OR51B5: variants seen among roughly 807,000 people sequenced by gnomAD.
The protein encoded by OR51B5 is olfactory receptor 51B5.
For synonymous variants in OR51B5, 186 were observed against 144.8 expected (o/e 1.28, Z -2.04); for missense variants, 456 against 374.6 (o/e 1.22, Z -1.79).
intron 1 of OR51B5, chr11:5,489,054 A>G (rs417425): frequency 0.97 from 1,562,717 of 1,614,014 alleles, 756,829 homozygotes; most frequent in South Asian, 0.99. Flanking sequence ...TGGAGTCCTC[A>G]ATTCTACTTG....
intron 1 of OR51B5, chr11:5,351,457 ATTACTATTGCTTTACCTGGAGTAAATAT>A (rs779398546): frequency 1.4e-6 from 2 of 1,435,434 alleles, no homozygotes; most frequent in Non-Finnish European, 1.9e-6. Flanking sequence ...TATACAACTG[ATTACTATTGCTTTACCTGGAGTAAATAT>A]TTGCCTCTTT....
At chr11:5,468,338 C>T (rs943925367) in intron 1 of OR51B5, 56 of 193,374 alleles carry the variant, frequency 2.9e-4, no homozygotes, top group African/African-American at 1.3e-3. Flanking sequence ...AAGTTGTAGC[C>T]TGGCTAACCC....
chr11:5,454,197 G>A (rs1218045411), intron 1 of OR51B5: 82 of 1,597,178 alleles, frequency 5.1e-5, no homozygotes, highest in Non-Finnish European at 6.9e-5. Context: ...ACGCCTCAAA[G>A]CTCTCAACAC....
At chr11:5,366,458 A>C (rs1375897678) in intron 1 of OR51B5, among the ~76,000 whole-genome samples, 1 of 152,044 alleles carries the variant, frequency 6.6e-6, no homozygotes, top group Non-Finnish European at 1.5e-5. Context: ...AATACAAAAA[A>C]ATTAGCAGGG....
At chr11:5,372,926 A>G (rs1360028132) in intron 1 of OR51B5, among the ~76,000 whole-genome samples, 1 of 152,230 alleles carries the variant, frequency 6.6e-6, no homozygotes, top group Non-Finnish European at 1.5e-5. Flanking sequence ...AAATTATATT[A>G]CAAAGCTATA....
upstream of OR51B5, chr11:5,343,538 AG>A: frequency 2.6e-6 from 2 of 765,154 alleles, no homozygotes; most frequent in Non-Finnish European, 4.5e-6. Context: ...GGGTTTATAT[AG>A]AAGAAATGTC....
rs757149574 is a variant in OR51B5 at position 5,488,839 on chromosome 11, A to T, written n.84+16730T>A. ...CATGTATCTTGTAGCACTGGTTGGA[A>T]ATGCTGCCCTCATCCTGGTCATTGC... is the stretch of plus-strand genomic sequence containing the variant. On this transcript the variant is annotated intron_variant and non_coding_transcript_variant, in intron 1 of 4. Coordinates refer to the OR51B5 transcript ENST00000415970. The T allele has an allele frequency of 1.9e-6, 3 of 1,613,864 alleles. No homozygotes were observed. In the African/African-American group the frequency reaches 4.0e-5, roughly 22 times the overall value.
At chr11:5,445,155 G>A (rs905028836) in intron 1 of OR51B5, among the ~76,000 whole-genome samples, 3 of 151,920 alleles carry the variant, frequency 2.0e-5, no homozygotes, top group Non-Finnish European at 4.4e-5. Flanking sequence ...TGATTATATA[G>A]ACCAATTTAA....
chr11:5,434,628 AAGGACCATGAAAAG>A (rs553907798), intron 1 of OR51B5, among the ~76,000 whole-genome samples: 543 of 152,292 alleles, frequency 3.6e-3, no homozygotes, highest in African/African-American at 0.012. Flanking sequence ...CAAGACTTCG[AAGGACCATGAAAAG>A]AGGAACATGC....
At chr11:5,357,214 C>T (rs529764791) in intron 1 of OR51B5, among the ~76,000 whole-genome samples, 30 of 152,168 alleles carry the variant, frequency 2.0e-4, no homozygotes, top group African/African-American at 6.7e-4. Context: ...CATCAGTGTG[C>T]TGTATTCAGG....
chr11:5,410,960 T>C (rs1192368237), intron 1 of OR51B5, among the ~76,000 whole-genome samples: 1 of 151,984 alleles, frequency 6.6e-6, no homozygotes, highest in Non-Finnish European at 1.5e-5. Context: ...TACAAAACAG[T>C]CAAAAAGTTA....
chr11:5,446,283 A>G (rs1014305457), intron 1 of OR51B5, among the ~76,000 whole-genome samples: 15 of 145,698 alleles, frequency 1.0e-4, no homozygotes, highest in Non-Finnish European at 1.7e-4. Context: ...AAGAAAGTAG[A>G]ATAACTCTCA....
intron 1 of OR51B5, among the ~76,000 whole-genome samples, chr11:5,370,819 T>A (rs1260520007): frequency 6.6e-6 from 1 of 152,152 alleles, no homozygotes. Context: ...CAATAGAGAA[T>A]AACAAAATTT....
At chr11:5,465,804 A>T (rs2133797158) in intron 1 of OR51B5, among the ~76,000 whole-genome samples, 1 of 148,594 alleles carries the variant, frequency 6.7e-6, no homozygotes, top group African/African-American at 2.5e-5. Flanking sequence ...TACAAAAATC[A>T]ATTCAAGATG....
intron 1 of OR51B5, among the ~76,000 whole-genome samples, chr11:5,452,470 A>C (rs1335141252): frequency 7.5e-6 from 1 of 133,954 alleles, no homozygotes; most frequent in Non-Finnish European, 1.5e-5. Context: ...GCACCACTGC[A>C]CTCCAGCCTG....
At chr11:5,489,102 A>G in intron 1 of OR51B5, 3 of 1,613,922 alleles carry the variant, frequency 1.9e-6, no homozygotes, top group South Asian at 2.2e-5. Flanking sequence ...TCTGTAACCC[A>G]TTAAGGTACA....
At chr11:5,460,533 CTCAT>C (rs1202309784) in intron 1 of OR51B5, among the ~76,000 whole-genome samples, 3 of 152,152 alleles carry the variant, frequency 2.0e-5, no homozygotes, top group East Asian at 3.9e-4. Context: ...TCTTCAGTAT[CTCAT>C]TGAGCTTCCT....
intron 1 of OR51B5, among the ~76,000 whole-genome samples, chr11:5,398,597 A>G (rs112081558): frequency 0.013 from 1,998 of 152,210 alleles, 42 homozygotes; most frequent in African/African-American, 0.045. Context: ...CTGTGTCTCC[A>G]CCCAAATTTC....
chr11:5,421,002 G>A (rs553702721), intron 1 of OR51B5, among the ~76,000 whole-genome samples: 1 of 152,328 alleles, frequency 6.6e-6, no homozygotes, highest in African/African-American at 2.4e-5. Context: ...CTTATAGAAG[G>A]AAGTCTTTTA....
Sources: gnomAD v4.1 joint callset for allele counts (sites outside exome capture counted in the v4.1 genomes callset) on GRCh38, gnomAD v4.1.1 for gene constraint, MANE v1.5 for transcripts, NCBI Gene and HGNC (gene_info 2026-07-23, HGNC 2026-07-21) for gene names.